The following PCNX1 variants were observed in gnomAD, a reference collection of about 807,000 sequenced individuals.
PCNX1 encodes the protein pecanex 1.
PCNX1 carries 78 observed loss-of-function variants against 242.2 expected under a neutral mutation model. That is an observed-to-expected ratio of 0.32 (90% CI 0.27 to 0.39). PCNX1 has a LOEUF of 0.39. PCNX1 is among the 10% of genes least tolerant of loss of function. The pLI, the probability that PCNX1 is intolerant of heterozygous loss-of-function variation, is 1.00. For synonymous variants in PCNX1, 1,024 were observed against 1,032.9 expected, an observed-to-expected ratio of 0.99 and a Z score of 0.17; for missense variants, 2,581 against 2,856.5, an observed-to-expected ratio of 0.90 and a Z score of 2.20.
rs878947344 is a variant in PCNX1 at position 71,108,653 on chromosome 14, T to G, written c.6351T>G (p.Ser2117=). The change falls in exon 34 of 36, where the codon TCT becomes TCG. Residue 2117 remains serine (S), a synonymous_variant. Coordinates refer to ENST00000304743, the MANE Select transcript of PCNX1 (RefSeq NM_014982.3). The part of the protein sequence containing the change: ...HSVQSGLVRQ[S]PARASVASQS... ...TGCAGTCGGGCCTGGTCAGACAGTC[T>G]CCTGCCCGGGCCTCAGTAGCCAGCC... 1 of 1,614,174 alleles carries G rather than the reference T, an allele frequency of 6.2e-7. No homozygotes were observed. The highest frequency in any genetic ancestry group is 8.5e-7 in the Non-Finnish European group (1 of 1,180,030).
At chr14:71,073,968 C>T (rs536595565) in intron 27 of PCNX1, among the ~76,000 whole-genome samples, 170 bp downstream of exon 27, 20 of 152,110 alleles carry the variant, frequency 1.3e-4, no homozygotes, top group Non-Finnish European at 2.5e-4. Flanking sequence ...AGCCTACTAA[C>T]GTCTTGCCTT....
rs1373688164 is a variant in PCNX1 at position 71,112,885 on chromosome 14, C to T, written c.*2950C>T. 1 of 152,084 alleles carries T rather than the reference C, an allele frequency of 6.6e-6. No homozygotes were observed. Among genetic ancestry groups the T allele is most frequent in the Admixed American group, 6.5e-5 (1 of 15,270 alleles). The allele number at this position is 152,084 out of a possible 1,614,324, so 9.4% of individuals were successfully genotyped here. A position where few individuals can be genotyped will look rare whatever the true frequency, so the allele number is the denominator to read the frequency against. Reference sequence around the variant, plus strand: ...CCCCCTCTTTTGAGAGAAAGGTAATCGTGGAATGAGTTATAAATTATTGCC... The same window carrying T: ...CCCCCTCTTTTGAGAGAAAGGTAATTGTGGAATGAGTTATAAATTATTGCC... On this transcript the variant is annotated 3_prime_UTR_variant, in exon 36 of 36. Coordinates refer to ENST00000304743, the MANE Select transcript of PCNX1 (RefSeq NM_014982.3).
chr14:70,976,272 T>C (rs1284929845), intron 5 of PCNX1, among the ~76,000 whole-genome samples: 4 of 151,958 alleles, frequency 2.6e-5, no homozygotes, highest in Non-Finnish European at 5.9e-5. Context: ...TACAGGGGGG[T>C]AACCCAAAGT....
At chr14:70,986,547 C>G (rs1595145249) in intron 6 of PCNX1, among the ~76,000 whole-genome samples, 2 of 152,152 alleles carry the variant, frequency 1.3e-5, no homozygotes, top group Admixed American at 1.3e-4. Flanking sequence ...TTAGCTTTTA[C>G]TTAAGATTAA....
intron 1 of PCNX1, among the ~76,000 whole-genome samples, chr14:70,932,705 T>C (rs1383338773): frequency 5.3e-5 from 8 of 152,006 alleles, no homozygotes; most frequent in Non-Finnish European, 5.9e-5. Context: ...CTCCGTCTCC[T>C]GGGTTCAAGC....
At chr14:71,062,536 T>A (rs2061352625) in intron 26 of PCNX1, among the ~76,000 whole-genome samples, 1 of 151,920 alleles carries the variant, frequency 6.6e-6, no homozygotes, top group Non-Finnish European at 1.5e-5. Flanking sequence ...AGAATAAGGA[T>A]ATAAGGAAAA....
chr14:71,030,267 TAC>T (rs2060345737), intron 16 of PCNX1, among the ~76,000 whole-genome samples: 2 of 152,230 alleles, frequency 1.3e-5, no homozygotes, highest in South Asian at 2.1e-4. Flanking sequence ...TTCTGCTTCT[TAC>T]ATTTTCTGAC....
intron 35 of PCNX1, 57 bp from the exon 36 acceptor site, chr14:71,109,738 T>C: frequency 6.3e-7 from 1 of 1,593,700 alleles, no homozygotes; most frequent in Non-Finnish European, 8.6e-7. Context: ...GGGTAAGAGT[T>C]TGTGAGTATA....
intron 1 of PCNX1, among the ~76,000 whole-genome samples, chr14:70,934,147 A>G (rs1171140601): frequency 6.6e-6 from 1 of 152,268 alleles, no homozygotes; most frequent in Non-Finnish European, 1.5e-5. Context: ...TAATTCTGGT[A>G]TGACCATTTC....
chr14:71,072,576 C>T (rs1350191225), intron 26 of PCNX1, among the ~76,000 whole-genome samples: 2 of 152,144 alleles, frequency 1.3e-5, no homozygotes, highest in Admixed American at 6.5e-5. Context: ...GTCATGGTAT[C>T]AGTTTCTCTC....
chr14:71,074,083 G>A (rs1053202530), intron 27 of PCNX1, among the ~76,000 whole-genome samples: 3 of 152,026 alleles, frequency 2.0e-5, no homozygotes, highest in Non-Finnish European at 2.9e-5. Flanking sequence ...ACACAAATAC[G>A]CATACACACG....
At chr14:71,044,050 T>C (rs2060788796) in intron 19 of PCNX1, among the ~76,000 whole-genome samples, 1 of 152,212 alleles carries the variant, frequency 6.6e-6, no homozygotes, top group Non-Finnish European at 1.5e-5. Context: ...GTTCTGGTTG[T>C]GCACGGTAGT....
intron 28 of PCNX1, among the ~76,000 whole-genome samples, chr14:71,080,451 A>C (rs1417542924): frequency 6.6e-6 from 1 of 152,118 alleles, no homozygotes; most frequent in Non-Finnish European, 1.5e-5. Flanking sequence ...TGAATCTGTA[A>C]ATTACTTTGG....
intron 1 of PCNX1, among the ~76,000 whole-genome samples, chr14:70,920,320 G>C (rs1472471193): frequency 6.6e-6 from 1 of 152,120 alleles, no homozygotes; most frequent in Non-Finnish European, 1.5e-5. Flanking sequence ...TACTTTTTCT[G>C]TTTCAAGATC....
chr14:70,966,665 A>G (rs2058388170), intron 3 of PCNX1, among the ~76,000 whole-genome samples: 1 of 152,222 alleles, frequency 6.6e-6, no homozygotes, highest in South Asian at 2.1e-4. Flanking sequence ...GGAGATTGTT[A>G]AAGAAGGAGA....
intron 28 of PCNX1, among the ~76,000 whole-genome samples, chr14:71,087,035 A>G (rs2062011504): frequency 6.6e-6 from 1 of 152,212 alleles, no homozygotes; most frequent in Non-Finnish European, 1.5e-5. Flanking sequence ...TTTTTAGTCT[A>G]GAAAGTTGAC....
chr14:71,104,133 A>T (rs1014954851), intron 32 of PCNX1, among the ~76,000 whole-genome samples: 17 of 152,198 alleles, frequency 1.1e-4, no homozygotes, highest in African/African-American at 4.1e-4. Flanking sequence ...TTAACAATAC[A>T]TTCTCACTCA....
intron 30 of PCNX1, among the ~76,000 whole-genome samples, chr14:71,095,804 G>C (rs1042564480): frequency 7.9e-5 from 12 of 152,152 alleles, no homozygotes; most frequent in Non-Finnish European, 1.2e-4. Context: ...CCAGTGAAAA[G>C]AGATATTTAA....
intron 19 of PCNX1, among the ~76,000 whole-genome samples, chr14:71,039,241 A>G (rs2060636928): frequency 6.6e-6 from 1 of 152,010 alleles, no homozygotes; most frequent in Non-Finnish European, 1.5e-5. Flanking sequence ...AAAATTAAAA[A>G]AACAAAAAAA....
Sources: gnomAD v4.1 joint callset for allele counts (sites outside exome capture counted in the v4.1 genomes callset) on GRCh38, gnomAD v4.1.1 for gene constraint, MANE v1.5 for transcripts, NCBI Gene and HGNC (gene_info 2026-07-23, HGNC 2026-07-21) for gene names.